OR1S2: variants seen among roughly 807,000 people sequenced by gnomAD.
OR1S2 encodes olfactory receptor family 1 subfamily S member 2.
Under a neutral mutation model 1.7 loss-of-function variants are expected in OR1S2, and 1 was observed. The observed-to-expected ratio is 0.59, with a 90% CI of 0.21 to 2.81. The LOEUF is 2.81. Ranked by LOEUF, OR1S2 falls within the 30% of genes most tolerant of loss-of-function variation. OR1S2 has a pLI of 0.22. For missense variants in OR1S2, 391 were observed against 371.6 expected, an observed-to-expected ratio of 1.05 and a Z score of -0.43; for synonymous variants, 157 against 145.3, an observed-to-expected ratio of 1.08 and a Z score of -0.58.
exon 1 of OR1S2, chr11:58,203,796 C>T (rs990368729): frequency 6.2e-7 from 1 of 1,614,030 alleles, no homozygotes; most frequent in Non-Finnish European, 8.5e-7. Flanking sequence ...GGCCATGGTC[C>T]CCAAAAGCAA....
exon 1 of OR1S2, chr11:58,203,410 G>T (rs1387109898): frequency 6.2e-7 from 1 of 1,613,934 alleles, no homozygotes; most frequent in South Asian, 1.1e-5. Flanking sequence ...GCAATTGTCA[G>T]GTGAGAGCCA....
At chr11:58,203,741 A>G in exon 1 of OR1S2, 1 of 1,614,054 alleles carries the variant, frequency 6.2e-7, no homozygotes, top group Admixed American at 1.7e-5. Context: ...CCCGCATGAA[A>G]GTTGTATAGT....
exon 1 of OR1S2, chr11:58,203,772 A>G (rs762350591): frequency 6.2e-7 from 1 of 1,614,138 alleles, no homozygotes; most frequent in South Asian, 1.1e-5. Flanking sequence ...GCAGATCGCC[A>G]CAAAGTGGTC....
chr11:58,203,276 G>A (rs1399492499), exon 1 of OR1S2: 1 of 1,613,946 alleles, frequency 6.2e-7, no homozygotes, highest in Non-Finnish European at 8.5e-7. Context: ...TCAAGCTGTA[G>A]ATGAAGGGGT....
At position 58,203,702 on chromosome 11, in the gene OR1S2, G is replaced by C. The variant is rs199986768; in HGVS notation, c.441C>G (p.Ile147Met). The C allele has an allele frequency of 2.4e-5, 39 of 1,614,130 alleles. No homozygotes were observed. The East Asian group carries it at 7.6e-4, about 31-fold the overall frequency. ...CAATAATATTACTGAGGAACCACGA[G>C]ATGACTGTGAGCAAAGTGCCGAACC... Residue 147 changes from isoleucine to methionine, a missense_variant, in exon 1 of 1, where the codon ATC (isoleucine) becomes ATG (methionine). Transcript: ENST00000641683.
exon 1 of OR1S2, chr11:58,204,074 A>G (rs139274268): frequency 6.2e-7 from 1 of 1,614,002 alleles, no homozygotes; most frequent in Middle Eastern, 1.6e-4. Context: ...GGAGGTTTTG[A>G]TGTTCAGCCT....
exon 1 of OR1S2, chr11:58,204,114 G>A: frequency 6.2e-7 from 1 of 1,614,054 alleles, no homozygotes; most frequent in Non-Finnish European, 8.5e-7. Flanking sequence ...AATGAATTCA[G>A]TGATGGTGGT....
exon 1 of OR1S2, chr11:58,203,433 G>C: frequency 6.2e-7 from 1 of 1,613,986 alleles, no homozygotes; most frequent in Non-Finnish European, 8.5e-7. Flanking sequence ...AGTGGAGAAG[G>C]CTTTCCACTT....
chr11:58,203,689 T>A (rs148635589), exon 1 of OR1S2: 2 of 1,613,954 alleles, frequency 1.2e-6, no homozygotes, highest in Admixed American at 3.3e-5. Context: ...ATAATATTAC[T>A]GAGGAACCAC....
exon 1 of OR1S2, chr11:58,203,974 T>A: frequency 1.2e-6 from 2 of 1,612,846 alleles, no homozygotes; most frequent in Non-Finnish European, 1.7e-6. Flanking sequence ...TACATGGGGG[T>A]GTGAAGGTAT....
exon 1 of OR1S2, chr11:58,203,301 A>G: frequency 6.2e-7 from 1 of 1,614,106 alleles, no homozygotes; most frequent in Non-Finnish European, 8.5e-7. Flanking sequence ...CATGGGTGTC[A>G]CCACAGTGAA....
rs764867920 is a variant in OR1S2, at chr11:58,204,000, G to A, written c.143C>T (p.Ala48Val). ...GTGAAGGTATATATCCAAGCTGATA[G>A]CCACAATGATGAGCCCGTTCCCAAC... The change falls in exon 1 of 1, where the codon GCT becomes GTT. Residue 48 changes from alanine to valine, a missense_variant. Physicochemically the swap from Ala to Val is moderately conservative, Grantham distance 64 (BLOSUM62 0). Transcript: ENST00000641683. The A allele has an allele frequency of 1.9e-6, 3 of 1,614,054 alleles. No individual in the cohort carries two copies. The East Asian group carries it at 6.7e-5, about 36-fold the overall frequency.
chr11:58,203,942 G>A (rs1248944566), exon 1 of OR1S2: 2 of 1,614,132 alleles, frequency 1.2e-6, no homozygotes, highest in Admixed American at 1.7e-5. Context: ...TATCAGCAAA[G>A]GATAGGTAGG....
exon 1 of OR1S2, chr11:58,203,699 C>A (rs200697120): frequency 7.0e-7 from 1 of 1,437,620 alleles, no homozygotes; most frequent in Non-Finnish European, 9.5e-7. Context: ...TGAGGAACCA[C>A]GAGATGACTG....
At chr11:58,203,869 T>A (rs1451950835) in exon 1 of OR1S2, 12 of 1,614,066 alleles carry the variant, frequency 7.4e-6, no homozygotes, top group Non-Finnish European at 9.3e-6. Flanking sequence ...TCATAAGAGA[T>A]GGATTGGCTG....
At chr11:58,203,331 T>A in exon 1 of OR1S2, 2 of 1,614,076 alleles carry the variant, frequency 1.2e-6, no homozygotes, top group Middle Eastern at 1.6e-4. Flanking sequence ...ACCAATCTTA[T>A]CAGTGTCCTC....
At chr11:58,203,296 G>T in exon 1 of OR1S2, 5 of 1,614,070 alleles carry the variant, frequency 3.1e-6, no homozygotes, top group Non-Finnish European at 4.2e-6. Flanking sequence ...TTCATCATGG[G>T]TGTCACCACA....
exon 1 of OR1S2, chr11:58,203,245 C>T (rs1337627751): frequency 1.2e-6 from 2 of 1,612,776 alleles, no homozygotes; most frequent in East Asian, 2.2e-5. Context: ...TTTCTCAGGG[C>T]ACCTTTCATA....
exon 1 of OR1S2, chr11:58,203,624 A>T: frequency 6.2e-7 from 1 of 1,614,136 alleles, no homozygotes; most frequent in East Asian, 2.2e-5. Context: ...AGTGTGGGAG[A>T]GTGTTGTGGT....
Sources: gnomAD v4.1 joint callset for allele counts on GRCh38, gnomAD v4.1.1 for gene constraint, MANE v1.5 for transcripts, NCBI Gene and HGNC (gene_info 2026-07-23, HGNC 2026-07-21) for gene names.